ATP2B2: variants seen among roughly 807,000 people sequenced by gnomAD.
ATP2B2 encodes ATPase plasma membrane Ca2+ transporting 2.
In ATP2B2, 15 loss-of-function variants were observed where a neutral mutation model predicts 120.0. That is an observed-to-expected ratio of 0.12 (90% CI 0.08 to 0.19). ATP2B2 has a LOEUF of 0.19. Ranked by LOEUF, ATP2B2 falls within the 10% of genes least tolerant of loss-of-function variation. The probability of loss-of-function intolerance (pLI) is 1.00; values close to 1 mark genes in which losing one functional copy is unlikely to be tolerated. For missense variants in ATP2B2, 1,045 were observed against 1,719.8 expected, an observed-to-expected ratio of 0.61 and a Z score of 6.94; for synonymous variants, 694 against 700.3, an observed-to-expected ratio of 0.99 and a Z score of 0.14.
chr3:10,350,414 C>A lies in ATP2B2; in HGVS notation c.2300G>T (p.Arg767Leu), dbSNP rs749393972. Residue 767 changes from arginine (R) to leucine (L), a missense_variant, in exon 15 of 23, where the codon CGC (arginine) becomes CTC (leucine). Coordinates refer to ENST00000360273, the MANE Select transcript of ATP2B2 (RefSeq NM_001001331.4). Reference protein sequence around the residue: ...LEGKEFNRRIRNEKGEIEQER... With the variant: ...LEGKEFNRRILNEKGEIEQER... ...GACACGCACCTCCCCCTTCTCGTTG[C>A]GGATCCTCCTGTTGAACTCCTTGCC... 1.2e-6 allele frequency: 2 copies of A among 1,614,212 alleles called. No homozygotes were observed. Among genetic ancestry groups the A allele is most frequent in the Non-Finnish European group, 1.7e-6 (2 of 1,180,028 alleles).
Position 10,394,417 on chromosome 3 carries a change from C to T in ATP2B2, c.782-6015G>A, listed in dbSNP as rs765699042. The T allele has an allele frequency of 3.1e-4, 147 of 470,146 alleles. 1 individual carries two copies. Among genetic ancestry groups the T allele is most frequent in the Non-Finnish European group, 4.8e-4 (110 of 226,944 alleles). The allele number at this position is 470,146 out of a possible 1,614,324, so 29.1% of individuals were successfully genotyped here. ...TTCAATCCCCAGCCCCTCCACCCAC[C>T]ACTTTCTGGCTCAGAGAGCTTGAGT... On this transcript the variant is annotated intron_variant, in intron 5 of 22. Transcript: ENST00000360273.
intron 2 of ATP2B2, among the ~76,000 whole-genome samples, chr3:10,414,055 G>A (rs1286855110): frequency 6.6e-6 from 1 of 152,150 alleles, no homozygotes; most frequent in Non-Finnish European, 1.5e-5. Context: ...AGAATCCCAG[G>A]GGATCTGAGG....
chr3:10,372,158 C>G, intron 11 of ATP2B2, 107 bp from the exon 12 acceptor site: 1 of 1,480,626 alleles, frequency 6.8e-7, no homozygotes, highest in South Asian at 1.2e-5. Flanking sequence ...AGAGCCACCA[C>G]AGCCTGCCCC....
chr3:10,363,953 C>T (rs1229857297), intron 12 of ATP2B2, among the ~76,000 whole-genome samples: 1 of 152,218 alleles, frequency 6.6e-6, no homozygotes, highest in Non-Finnish European at 1.5e-5. Flanking sequence ...GCATTAATCA[C>T]AAAGTCTAAG....
rs2063962730 is a variant in ATP2B2, at chr3:10,449,589, G to C, written c.-46C>G. ...GGGCTGGGCCCAAGGGTCAGCGCTG[G>C]ACAAGAGGCTGCCGGGTGATGGCTG... On this transcript the variant is annotated 5_prime_UTR_variant, in exon 2 of 23. Transcript: ENST00000360273. 5 of 1,609,058 alleles carry C rather than the reference G, an allele frequency of 3.1e-6. No homozygotes were observed. In the East Asian group the frequency reaches 1.1e-4, roughly 36 times the overall value.
At chr3:10,528,084 C>T (rs1458540862) in intron 3 of ATP2B2, among the ~76,000 whole-genome samples, 1 of 152,170 alleles carries the variant, frequency 6.6e-6, no homozygotes, top group African/African-American at 2.4e-5. Context: ...TAACTCTGTA[C>T]CCCTGGCTTC....
intron 2 of ATP2B2, among the ~76,000 whole-genome samples, chr3:10,617,931 A>G (rs2069439987): frequency 6.6e-6 from 1 of 151,990 alleles, no homozygotes; most frequent in South Asian, 2.1e-4. Context: ...ACAAACCCTT[A>G]TCGCTGTGTT....
At chr3:10,669,236 C>T (rs1270857613) in intron 1 of ATP2B2, among the ~76,000 whole-genome samples, 1 of 152,172 alleles carries the variant, frequency 6.6e-6, no homozygotes, top group Non-Finnish European at 1.5e-5. Context: ...GTCTTGAACC[C>T]AGGGCCACAT....
chr3:10,674,350 G>A (rs1230172160), intron 1 of ATP2B2, among the ~76,000 whole-genome samples: 1 of 152,164 alleles, frequency 6.6e-6, no homozygotes, highest in South Asian at 2.1e-4. Flanking sequence ...TTTAGGTCCT[G>A]GATTAAGCTT....
intron 1 of ATP2B2, among the ~76,000 whole-genome samples, chr3:10,453,912 TCATC>T (rs1028440122): frequency 2.7e-5 from 4 of 148,272 alleles, no homozygotes; most frequent in African/African-American, 7.5e-5. Flanking sequence ...TTCCATTCAT[TCATC>T]CATCCATCCA....
At chr3:10,514,328 GGACA>G (rs1306703000) in intron 3 of ATP2B2, among the ~76,000 whole-genome samples, 1 of 152,284 alleles carries the variant, frequency 6.6e-6, no homozygotes, top group South Asian at 2.1e-4. Flanking sequence ...TGAAGGAGGA[GGACA>G]GACAGGAACT....
In ATP2B2 at chr3:10,340,202, C is replaced by A. The variant is rs750445503; in HGVS notation, c.3237+40G>T. 6.3e-7 allele frequency: 1 copy of A among 1,594,158 alleles called. No homozygotes were observed. The highest frequency in any genetic ancestry group is 2.2e-5 in the East Asian group (1 of 44,742). On this transcript the variant is annotated intron_variant, in intron 21 of 22. Transcript: ENST00000360273. This position sits in a 1 kb window ranked among gnomAD's most constrained non-coding sequence, Gnocchi z 5.0. ...CTCCATCCAGTGCTGTCTCCCTTGC[C>A]CTGCTAACAGGCACCTCCTGCGACC...
At chr3:10,576,807 G>A (rs1238278600) in intron 2 of ATP2B2, among the ~76,000 whole-genome samples, 3 of 152,098 alleles carry the variant, frequency 2.0e-5, no homozygotes, top group East Asian at 1.9e-4. Flanking sequence ...GCTCACGTCT[G>A]TAATCCCAGC....
intron 1 of ATP2B2, among the ~76,000 whole-genome samples, chr3:10,471,973 C>T (rs1267560254): frequency 1.3e-4 from 19 of 149,072 alleles, no homozygotes; most frequent in African/African-American, 4.7e-4. Context: ...CCCAGCTACT[C>T]GGGAGGCTGA....
intron 1 of ATP2B2, among the ~76,000 whole-genome samples, chr3:10,701,364 C>T (rs1365396279): frequency 6.6e-6 from 1 of 152,196 alleles, no homozygotes; most frequent in African/African-American, 2.4e-5. Context: ...TTCACTTCAA[C>T]AGTTCATTTC....
At chr3:10,687,648 G>T (rs1436916869) in intron 1 of ATP2B2, among the ~76,000 whole-genome samples, 34 of 152,098 alleles carry the variant, frequency 2.2e-4, no homozygotes, top group Non-Finnish European at 1.5e-5. Context: ...ATCATTTGAG[G>T]GCAGGAGTTC....
intron 2 of ATP2B2, among the ~76,000 whole-genome samples, chr3:10,599,840 G>A (rs778808674): frequency 2.0e-5 from 3 of 152,060 alleles, no homozygotes; most frequent in African/African-American, 7.2e-5. Flanking sequence ...AATTCAAATG[G>A]ATAAACAAGA....
chr3:10,404,448 G>A (rs1463406613), intron 3 of ATP2B2, among the ~76,000 whole-genome samples: 2 of 152,196 alleles, frequency 1.3e-5, no homozygotes, highest in African/African-American at 2.4e-5. Flanking sequence ...GCCTTGTTTT[G>A]GTTTTTCTCA....
At chr3:10,625,418 C>T (rs1489999213) in intron 1 of ATP2B2, among the ~76,000 whole-genome samples, 1 of 152,114 alleles carries the variant, frequency 6.6e-6, no homozygotes, top group Non-Finnish European at 1.5e-5. Context: ...GGGTCAGGGC[C>T]TTCTCTGAGT....
Sources: allele counts gnomAD v4.1 joint callset (sites outside exome capture counted in the v4.1 genomes callset), GRCh38; gene constraint gnomAD v4.1.1; non-coding constraint Gnocchi (gnomAD v3.1); transcripts MANE v1.5; gene names NCBI Gene and HGNC (gene_info 2026-07-23, HGNC 2026-07-21).